The following ADGRF3 variants were observed in gnomAD, a reference collection of about 807,000 sequenced individuals.
ADGRF3 encodes the protein G protein-coupled receptor 113.
ADGRF3 carries 85 observed loss-of-function variants against 93.2 expected under a neutral mutation model. The ratio of observed to expected loss-of-function variants is 0.91; its 90% CI spans 0.77 to 1.09. The LOEUF is 1.09. Ranked by LOEUF, ADGRF3 falls within the 50% of genes least tolerant of loss-of-function variation. ADGRF3 has a pLI of 0.00. For missense variants in ADGRF3, 1,125 were observed against 1,246.2 expected, an observed-to-expected ratio of 0.90 and a Z score of 1.46; for synonymous variants, 534 against 532.5, an observed-to-expected ratio of 1.00 and a Z score of -0.04.
In ADGRF3 at chr2:26,313,455, A is replaced by G. The variant is rs2147872684; in HGVS notation, c.1191T>C (p.Cys397=). 1.9e-6 allele frequency: 3 copies of G among 1,610,944 alleles called. No homozygotes were observed. The highest frequency in any genetic ancestry group is 1.7e-6 in the Non-Finnish European group (2 of 1,178,726). ...ESKRGIVRRL[C]GADGVWGPVH... is the part of the protein sequence containing the mutation. ...CCGGCCCCCAGACTCCGTCAGCCCC[A>G]CAGAGCCTCCTCACTATGCCCCTCT... The change falls in exon 8 of 14, where the codon TGT becomes TGC. Residue 397 remains cysteine (C), a synonymous_variant. Coordinates refer to ENST00000651242, the MANE Select transcript of ADGRF3 (RefSeq NM_001321971.2).
At chr2:26,338,232 G>A (rs1047321130) in intron 1 of ADGRF3, among the ~76,000 whole-genome samples, 1 of 152,036 alleles carries the variant, frequency 6.6e-6, no homozygotes, top group African/African-American at 2.4e-5. Context: ...ATAGAAATAT[G>A]GCCAGGTATG....
Position 26,309,846 on chromosome 2 carries a change from G to A in ADGRF3, c.2937+197C>T, listed in dbSNP as rs1673892915. On this transcript the variant is annotated intron_variant, in intron 12 of 13. Coordinates refer to ENST00000651242, the MANE Select transcript of ADGRF3 (RefSeq NM_001321971.2). The stretch of plus-strand genomic sequence containing the variant: ...GTCCAGGTGATAATCAGGAACCCAG[G>A]ACCCTGATCCTGACTGCTCTGACCA... 3.1e-6 allele frequency: 4 copies of A among 1,291,306 alleles called. No homozygotes were observed. The East Asian group carries it at 1.0e-4, about 33-fold the overall frequency. 80.0% of individuals were successfully genotyped at this position (1,291,306 alleles called of 1,614,324 possible).
At chr2:26,343,352 C>G (rs1319278351) in intron 1 of ADGRF3, among the ~76,000 whole-genome samples, 1 of 152,076 alleles carries the variant, frequency 6.6e-6, no homozygotes, top group African/African-American at 2.4e-5. Flanking sequence ...ATATGATATA[C>G]AGTTTCACTG....
At chr2:26,314,015 A>G in intron 6 of ADGRF3, 112 bp from the exon 7 acceptor site, 10 of 1,324,598 alleles carry the variant, frequency 7.5e-6, no homozygotes, top group Non-Finnish European at 1.0e-5. Flanking sequence ...CAGAGGAAGC[A>G]GTGGGGAAGA....
chr2:26,327,162 T>C (rs1675478892), intron 1 of ADGRF3, among the ~76,000 whole-genome samples: 8 of 152,124 alleles, frequency 5.3e-5, no homozygotes, highest in Admixed American at 5.2e-4. Flanking sequence ...TCTTCTGGGG[T>C]AATTTTGGAA....
At chr2:26,331,189 C>G (rs1036362682) in intron 1 of ADGRF3, among the ~76,000 whole-genome samples, 2 of 152,224 alleles carry the variant, frequency 1.3e-5, no homozygotes, top group Admixed American at 6.5e-5. Context: ...GATTATCAAT[C>G]TTTAACATTT....
chr2:26,311,641 G>T lies in ADGRF3; in HGVS notation c.1883C>A (p.Ala628Asp). The T allele has an allele frequency of 1.2e-6, 2 of 1,613,340 alleles. No individual in the cohort carries two copies. The highest frequency in any genetic ancestry group is 2.2e-5 in the South Asian group (2 of 91,088). ...LVISIMAGDR[A>D]FSQGEVIMDF... The stretch of plus-strand genomic sequence containing the variant: ...CATGATGACCTCTCCCTGGCTGAAG[G>T]CCCGGTCACCTGCCATGATGGAAAT... The change falls in exon 10 of 14, where the codon GCC (alanine) becomes GAC (aspartate). Residue 628 changes from alanine (A) to aspartate (D), a missense_variant. Transcript: ENST00000651242.
intron 9 of ADGRF3, 81 bp downstream of exon 9, chr2:26,312,862 G>C: frequency 1.5e-6 from 2 of 1,346,496 alleles, no homozygotes; most frequent in Non-Finnish European, 2.0e-6. Context: ...GGTGACATCA[G>C]AGGGACAGAA....
chr2:26,311,132 A>G lies in ADGRF3; in HGVS notation c.2392T>C (p.Leu798=), dbSNP rs1316037817. The change falls in exon 10 of 14, where the codon TTG becomes CTG. Residue 798 remains leucine, a synonymous_variant. Transcript: ENST00000651242. The part of the protein sequence containing the change: ...FFWMLAQALV[L]AHQLLFVFHQ... ...AAGACAAAGAGCAGCTGGTGGGCCA[A>G]CACCAGGGCCTGCGCCAGCATCCAG... 3 of 1,596,062 alleles carry G rather than the reference A, an allele frequency of 1.9e-6. No homozygotes were observed. The highest frequency in any genetic ancestry group is 1.1e-5 in the South Asian group (1 of 88,540).
At chr2:26,346,077 G>C (rs1172873704) in intron 1 of ADGRF3, 44 bp downstream of exon 1, 1 of 1,533,144 alleles carries the variant, frequency 6.5e-7, no homozygotes, top group Non-Finnish European at 8.8e-7. Context: ...CGAAGGGGCC[G>C]AGGCGGCTAC....
chr2:26,330,962 C>T (rs560845653), intron 1 of ADGRF3, among the ~76,000 whole-genome samples: 28 of 152,192 alleles, frequency 1.8e-4, no homozygotes, highest in Non-Finnish European at 2.6e-4. Context: ...AGGATGCTTA[C>T]TCCATCTTTT....
intron 9 of ADGRF3, among the ~76,000 whole-genome samples, 194 bp downstream of exon 9, chr2:26,312,749 G>A (rs755757844): frequency 1.1e-4 from 16 of 152,156 alleles, no homozygotes; most frequent in African/African-American, 1.4e-4. Flanking sequence ...TGCTCCCAGC[G>A]CCAGGCCTCC....
In ADGRF3 at chr2:26,313,558, C is replaced by G; in HGVS notation, c.1088G>C (p.Cys363Ser). ...GGTGAGCACCGAGGCGTCCTCAGGG[C>G]AGGTGATGTCTCCATCTGAAGAATG... is the stretch of plus-strand genomic sequence containing the variant. ...ITIIQDGDIT[C>S]PEDASVLTWN... is the part of the protein sequence containing the mutation. The change falls in exon 8 of 14, where the codon TGC (cysteine) becomes TCC (serine). Residue 363 changes from cysteine to serine, a missense_variant. Physicochemically the swap from Cys to Ser is moderately radical, Grantham distance 112. Coordinates refer to ENST00000651242, the MANE Select transcript of ADGRF3 (RefSeq NM_001321971.2). 6.2e-7 allele frequency: 1 copy of G among 1,605,948 alleles called. No homozygotes were observed. The highest frequency in any genetic ancestry group is 8.5e-7 in the Non-Finnish European group (1 of 1,178,020).
At chr2:26,337,996 C>G (rs1001746389) in intron 1 of ADGRF3, among the ~76,000 whole-genome samples, 2 of 152,072 alleles carry the variant, frequency 1.3e-5, no homozygotes, top group African/African-American at 2.4e-5. Flanking sequence ...GCCCTCCCAG[C>G]CTGGGCAACA....
At chr2:26,309,230 A>G (rs1319387890) in intron 13 of ADGRF3, 123 bp from the exon 14 acceptor site, 2 of 1,601,090 alleles carry the variant, frequency 1.2e-6, no homozygotes, top group Non-Finnish European at 1.7e-6. Flanking sequence ...TGATAATTAA[A>G]TGTGTGATAA....
intron 2 of ADGRF3, 42 bp from the exon 3 acceptor site, chr2:26,317,097 G>A (rs775044965): frequency 6.4e-7 from 1 of 1,561,164 alleles, no homozygotes; most frequent in Non-Finnish European, 8.6e-7. Context: ...CAGGCAGCGA[G>A]GCCACAAGCC....
At chr2:26,344,452 C>T (rs899338406) in intron 1 of ADGRF3, among the ~76,000 whole-genome samples, 1 of 152,156 alleles carries the variant, frequency 6.6e-6, no homozygotes, top group East Asian at 1.9e-4. Context: ...CCGAGACTCT[C>T]ATTTCTAATG....
intron 1 of ADGRF3, among the ~76,000 whole-genome samples, chr2:26,318,506 T>C (rs954444256): frequency 6.6e-6 from 1 of 152,068 alleles, no homozygotes; most frequent in Non-Finnish European, 1.5e-5. Context: ...AATTTAGCAA[T>C]AGAGATAGAT....
chr2:26,308,429 G>A lies in ADGRF3; in HGVS notation c.*657C>T, dbSNP rs889500951. 10 of 151,918 alleles carry A rather than the reference G, an allele frequency of 6.6e-5. No individual in the cohort carries two copies. The highest frequency in any genetic ancestry group is 5.9e-4 in the Admixed American group (9 of 15,272). 9.4% of individuals were successfully genotyped at this position (151,918 alleles called of 1,614,324 possible). On this transcript the variant is annotated 3_prime_UTR_variant, in exon 14 of 14. Coordinates refer to ENST00000651242, the MANE Select transcript of ADGRF3 (RefSeq NM_001321971.2). Reference sequence around the variant, plus strand: ...AAATATAAATTAAACTTTATTAATTGATATAAATTTATATTAAACTTTAAA... The same window carrying A: ...AAATATAAATTAAACTTTATTAATTAATATAAATTTATATTAAACTTTAAA...
Sources: gnomAD v4.1 joint callset for allele counts (sites outside exome capture counted in the v4.1 genomes callset) on GRCh38, gnomAD v4.1.1 for gene constraint, MANE v1.5 for transcripts, NCBI Gene and HGNC (gene_info 2026-07-23, HGNC 2026-07-21) for gene names.